SPAG16: variants seen among roughly 807,000 people sequenced by gnomAD.
SPAG16 encodes the protein sperm-associated antigen 16 protein.
A neutral mutation model predicts 80.4 loss-of-function variants in SPAG16; 86 were observed. The ratio of observed to expected loss-of-function variants is 1.07; its 90% CI spans 0.90 to 1.28. The LOEUF (loss-of-function observed/expected upper bound fraction) is 1.28. Ranked by LOEUF, SPAG16 falls within the 50% of genes most tolerant of loss-of-function variation. The pLI is 0.00. For missense variants in SPAG16, 870 were observed against 765.3 expected, an observed-to-expected ratio of 1.14 and a Z score of -1.61; for synonymous variants, 294 against 265.9, an observed-to-expected ratio of 1.11 and a Z score of -1.03.
chr2:213,478,790 T>A (rs899874418), intron 9 of SPAG16, among the ~76,000 whole-genome samples: 1 of 152,170 alleles, frequency 6.6e-6, no homozygotes, highest in Non-Finnish European at 1.5e-5. Flanking sequence ...GAAGCTAAAA[T>A]CAAGGAGGCT....
chr2:213,297,325 G>A lies in SPAG16; in HGVS notation c.247G>A (p.Ala83Thr). 1.9e-6 allele frequency: 3 copies of A among 1,612,538 alleles called. No individual in the cohort carries two copies. The highest frequency in any genetic ancestry group is 1.1e-5 in the South Asian group (1 of 90,946). Residue 83 changes from alanine (A) to threonine (T), a missense_variant, in exon 3 of 16, where the codon GCC (alanine) becomes ACC (threonine). Transcript: ENST00000331683. ...AGATCTGGCAAAAGCAATTCAGATGGCCCAAGAACAGGCTACAGATACTGA... is the reference window on the plus strand; with the variant it reads ...AGATCTGGCAAAAGCAATTCAGATGACCCAAGAACAGGCTACAGATACTGA... The part of the protein sequence containing the change: ...EEDLAKAIQM[A>T]QEQATDTEIL...
chr2:213,681,869 T>C (rs541676935), intron 10 of SPAG16, among the ~76,000 whole-genome samples: 24 of 152,330 alleles, frequency 1.6e-4, no homozygotes, highest in African/African-American at 5.8e-4. Flanking sequence ...ACTCCCCATC[T>C]GTATTTTTGA....
intron 10 of SPAG16, among the ~76,000 whole-genome samples, chr2:213,791,697 C>T (rs1283622684): frequency 6.6e-6 from 1 of 151,930 alleles, no homozygotes; most frequent in Non-Finnish European, 1.5e-5. Context: ...TTATAATATC[C>T]ATATGGGTTT....
intron 10 of SPAG16, among the ~76,000 whole-genome samples, chr2:213,724,948 C>T (rs1241733461): frequency 2.6e-5 from 4 of 151,838 alleles, no homozygotes; most frequent in Non-Finnish European, 5.9e-5. Context: ...ATTCAGTCAA[C>T]AAATAGGCCA....
chr2:213,488,006 A>T (rs908289281), intron 9 of SPAG16, among the ~76,000 whole-genome samples: 3 of 152,060 alleles, frequency 2.0e-5, no homozygotes, highest in African/African-American at 7.3e-5. Context: ...ATTGGCAATA[A>T]TTTTTTCCAT....
At chr2:213,802,518 T>G (rs1184010396) in intron 10 of SPAG16, among the ~76,000 whole-genome samples, 1 of 152,086 alleles carries the variant, frequency 6.6e-6, no homozygotes, top group Non-Finnish European at 1.5e-5. Flanking sequence ...GATAGCCAAC[T>G]ATTTTTTCCA....
chr2:214,078,369 A>G lies in SPAG16; in HGVS notation c.1528-29827A>G, dbSNP rs114007778. On this transcript the variant is annotated intron_variant, in intron 13 of 15. Transcript: ENST00000331683. ...GGAGTTTGAGACCAGCTTGGACAAC[A>G]TAGTGAAACCCCATATCTACAAATA... 3.3e-5 allele frequency among the ~76,000 whole-genome samples: 5 copies of G among 151,984 alleles called. No homozygotes were observed. The East Asian group carries it at 9.7e-4, about 29-fold the overall frequency.
intron 15 of SPAG16, among the ~76,000 whole-genome samples, chr2:214,268,476 AG>A (rs1200950911): frequency 1.3e-5 from 2 of 151,962 alleles, no homozygotes; most frequent in Non-Finnish European, 2.9e-5. Flanking sequence ...GCCTTAAAAA[AG>A]TAAATTTGTC....
chr2:213,977,444 A>G (rs796172779), intron 12 of SPAG16, among the ~76,000 whole-genome samples: 91 of 151,408 alleles, frequency 6.0e-4, no homozygotes, highest in African/African-American at 2.2e-3. Flanking sequence ...TGCCCCCCCC[A>G]TACCCAATAT....
At chr2:213,664,574 A>G (rs997330839) in intron 10 of SPAG16, among the ~76,000 whole-genome samples, 5 of 152,032 alleles carry the variant, frequency 3.3e-5, no homozygotes, top group African/African-American at 1.2e-4. Context: ...TGAAAGTGTC[A>G]TGTTTTTGTT....
At chr2:213,602,410 G>T (rs1479015650) in intron 10 of SPAG16, among the ~76,000 whole-genome samples, 1 of 152,080 alleles carries the variant, frequency 6.6e-6, no homozygotes, top group Non-Finnish European at 1.5e-5. Context: ...GAGGCGGGCA[G>T]ATCACGAGGT....
chr2:214,030,320 T>A lies in SPAG16; in HGVS notation c.1527+16243T>A, dbSNP rs137978764. 7.0e-3 allele frequency among the ~76,000 whole-genome samples: 1,067 copies of A among 152,226 alleles called. 14 individuals are homozygous for A. The highest frequency in any genetic ancestry group is 0.024 in the African/African-American group (999 of 41,538). On this transcript the variant is annotated intron_variant, in intron 13 of 15. Transcript: ENST00000331683. ...AATAGAATTTCCTTCTTTTTATGGC[T>A]AAAAACTGTTGCATTGTATGTATAT...
chr2:213,439,473 T>C (rs1324993824), intron 9 of SPAG16, among the ~76,000 whole-genome samples: 1 of 152,222 alleles, frequency 6.6e-6, no homozygotes, highest in Non-Finnish European at 1.5e-5. Context: ...ATCATTATGT[T>C]GTGGCAGAAA....
intron 10 of SPAG16, among the ~76,000 whole-genome samples, chr2:213,626,641 A>ATTTTT (rs10582370): frequency 4.0e-5 from 4 of 98,974 alleles, no homozygotes; most frequent in Non-Finnish European, 5.8e-5. Context: ...ATCGGGCTCA[A>ATTTTT]TTTTTTTTTT....
At chr2:213,831,603 G>T (rs1042270762) in intron 10 of SPAG16, among the ~76,000 whole-genome samples, 4 of 151,838 alleles carry the variant, frequency 2.6e-5, no homozygotes, top group Admixed American at 2.0e-4. Context: ...CTTCATTTGT[G>T]TCATGGATTT....
intron 15 of SPAG16, among the ~76,000 whole-genome samples, chr2:214,212,157 C>A (rs1316735658): frequency 6.6e-6 from 1 of 152,142 alleles, no homozygotes; most frequent in Non-Finnish European, 1.5e-5. Flanking sequence ...ACAAGACATA[C>A]TTGGTTTACC....
chr2:213,702,062 G>A (rs535262758), intron 10 of SPAG16, among the ~76,000 whole-genome samples: 11 of 151,898 alleles, frequency 7.2e-5, no homozygotes, highest in African/African-American at 2.7e-4. Flanking sequence ...TAATCTAGTG[G>A]GGACTTGGAG....
At chr2:213,665,155 T>C (rs922936007) in intron 10 of SPAG16, among the ~76,000 whole-genome samples, 1 of 152,158 alleles carries the variant, frequency 6.6e-6, no homozygotes, top group Non-Finnish European at 1.5e-5. Context: ...TTCTTAGTGC[T>C]GATATAGATT....
intron 1 of SPAG16, among the ~76,000 whole-genome samples, chr2:213,290,237 A>G (rs539067979): frequency 1.3e-5 from 2 of 152,348 alleles, no homozygotes; most frequent in East Asian, 3.9e-4. Flanking sequence ...TCATGCTATG[A>G]AACTCACGAG....
Sources: allele counts gnomAD v4.1 joint callset (sites outside exome capture counted in the v4.1 genomes callset), GRCh38; gene constraint gnomAD v4.1.1; transcripts MANE v1.5; gene names NCBI Gene and HGNC (gene_info 2026-07-23, HGNC 2026-07-21).